The following CLRN1 variants were observed in gnomAD, a reference collection of about 807,000 sequenced individuals.
The protein encoded by CLRN1 is clarin 1.
Under a neutral mutation model 18.7 loss-of-function variants are expected in CLRN1, and 15 were observed. That is an observed-to-expected ratio of 0.80 (90% CI 0.54 to 1.23). CLRN1 has a LOEUF of 1.23. CLRN1 is among the 50% of genes most tolerant of loss of function. The pLI is 0.00. For missense variants in CLRN1, 311 were observed against 277.5 expected, an observed-to-expected ratio of 1.12 and a Z score of -0.86; for synonymous variants, 104 against 102.9, an observed-to-expected ratio of 1.01 and a Z score of -0.07.
chr3:150,933,048 CAAT>C (rs1196299593), intron 2 of CLRN1, among the ~76,000 whole-genome samples: 1 of 152,072 alleles, frequency 6.6e-6, no homozygotes, highest in Non-Finnish European at 1.5e-5. Context: ...TCTAAAAATA[CAAT>C]GTTTATCTAA....
chr3:150,955,557 G>C (rs1714696735), intron 1 of CLRN1, among the ~76,000 whole-genome samples: 2 of 152,078 alleles, frequency 1.3e-5, no homozygotes, highest in South Asian at 2.1e-4. Flanking sequence ...GAAAGAGGCA[G>C]GTTGGCAATT....
chr3:150,943,748 G>A, intron 1 of CLRN1: 1 of 1,611,516 alleles, frequency 6.2e-7, no homozygotes, highest in Non-Finnish European at 8.5e-7. Context: ...ACACACTGCT[G>A]TCCACAGATG....
In CLRN1 at chr3:150,941,667, T is replaced by C. The variant is rs1478816321; in HGVS notation, c.348A>G (p.Thr116=). 1 of 1,614,096 alleles carries C rather than the reference T, an allele frequency of 6.2e-7. No individual in the cohort carries two copies. The highest frequency in any genetic ancestry group is 1.7e-5 in the Admixed American group (1 of 60,018). The change falls in exon 2 of 3, where the codon ACA becomes ACG. Residue 116 remains threonine, a synonymous_variant. Transcript: ENST00000327047. The part of the protein sequence containing the change: ...AILIVLTMVG[T]AFFMYNAFGK... ...CAAAAGCATTGTACATGAAGAAGGC[T>C]GTCCCCACCATGGTTAACACAATAA...
In CLRN1 at chr3:150,972,503, T is replaced by G; in HGVS notation, c.206A>C (p.Glu69Ala). The change falls in exon 1 of 3, where the codon GAG (glutamate) becomes GCG (alanine). Residue 69 changes from glutamate to alanine, a missense_variant. Glu to Ala is a moderately radical substitution (Grantham distance 107). Coordinates refer to ENST00000327047, the MANE Select transcript of CLRN1 (RefSeq NM_174878.3). ...TCCCAACCCACACTGCCTCACACCC[T>G]CTCCGTGGAAAAGCCCGTACTGCAT... ...GEMQYGLFHGEGVRQCGLGAR... is the reference protein window; with the variant it reads ...GEMQYGLFHGAGVRQCGLGAR... 1 of 1,614,106 alleles carries G rather than the reference T, an allele frequency of 6.2e-7. No individual in the cohort carries two copies. Among genetic ancestry groups the G allele is most frequent in the South Asian group, 1.1e-5 (1 of 91,064 alleles).
rs139688446 is a variant in CLRN1 at position 150,934,906 on chromosome 3, C to T, written c.433+6676G>A. ...CACCCCCTTTTCCCTATTCTGCCTT[C>T]TCCTGCCCGCACCTCTATTACAGGA... On this transcript the variant is annotated intron_variant, in intron 2 of 2. Transcript: ENST00000327047. 1.8e-3 allele frequency among the ~76,000 whole-genome samples: 275 copies of T among 152,116 alleles called. 1 individual carries two copies. Among genetic ancestry groups the T allele is most frequent in the African/African-American group, 6.2e-3 (256 of 41,478 alleles).
chr3:150,926,830 G>A lies in CLRN1; in HGVS notation c.*1106C>T. The A allele has an allele frequency of 6.2e-7, 1 of 1,614,100 alleles. No homozygotes were observed. ...TTCTGGAGGACAGCAGGTTGAGGAT[G>A]AAGGAAGGGTCAGTTCCAGGCTCAG... On this transcript the variant is annotated 3_prime_UTR_variant, in exon 3 of 3. Transcript: ENST00000327047.
chr3:150,951,701 G>A (rs1714492292), intron 1 of CLRN1, among the ~76,000 whole-genome samples: 1 of 152,108 alleles, frequency 6.6e-6, no homozygotes, highest in African/African-American at 2.4e-5. Context: ...GGCTGTACGT[G>A]GCAGCATTAG....
chr3:150,955,175 C>T (rs1714678862), intron 1 of CLRN1, among the ~76,000 whole-genome samples: 1 of 152,152 alleles, frequency 6.6e-6, no homozygotes, highest in Non-Finnish European at 1.5e-5. Flanking sequence ...TTATATACAA[C>T]ATCCTGGAAA....
intron 1 of CLRN1, among the ~76,000 whole-genome samples, chr3:150,966,387 T>A (rs1333221313): frequency 2.6e-5 from 4 of 152,214 alleles, no homozygotes; most frequent in Non-Finnish European, 5.9e-5. Context: ...ATTATCAGTT[T>A]AAGAAGTTAG....
intron 1 of CLRN1, among the ~76,000 whole-genome samples, chr3:150,961,531 G>A (rs146883852): frequency 1.2e-3 from 184 of 152,292 alleles, no homozygotes; most frequent in African/African-American, 4.2e-3. Flanking sequence ...CAGAACTAAG[G>A]CAGCCTCTGA....
chr3:150,947,219 C>A (rs2107961529), intron 1 of CLRN1, among the ~76,000 whole-genome samples: 1 of 151,506 alleles, frequency 6.6e-6, no homozygotes. Flanking sequence ...GAAAATCTAC[C>A]AAGCAAACAG....
At chr3:150,970,580 T>C (rs1441255236) in intron 1 of CLRN1, among the ~76,000 whole-genome samples, 2 of 152,124 alleles carry the variant, frequency 1.3e-5, no homozygotes, top group African/African-American at 2.4e-5. Context: ...AATGAGATTT[T>C]TAACATGTAT....
intron 1 of CLRN1, among the ~76,000 whole-genome samples, chr3:150,969,027 A>T (rs1337224574): frequency 6.6e-6 from 1 of 151,998 alleles, no homozygotes; most frequent in African/African-American, 2.4e-5. Context: ...CACACACAAA[A>T]AAATGAGCAT....
chr3:150,960,925 A>G (rs1315971780), intron 1 of CLRN1, among the ~76,000 whole-genome samples: 1 of 152,210 alleles, frequency 6.6e-6, no homozygotes, highest in Non-Finnish European at 1.5e-5. Context: ...CTTTAACCCA[A>G]CCAGTTGGTG....
intron 1 of CLRN1, among the ~76,000 whole-genome samples, chr3:150,958,564 G>A (rs1283098968): frequency 1.3e-5 from 2 of 152,158 alleles, no homozygotes; most frequent in Non-Finnish European, 2.9e-5. Flanking sequence ...CGCATCGTCT[G>A]TACTAGGACC....
intron 1 of CLRN1, among the ~76,000 whole-genome samples, chr3:150,952,489 A>C (rs887575501): frequency 2.0e-5 from 3 of 152,152 alleles, no homozygotes; most frequent in African/African-American, 7.2e-5. Flanking sequence ...AAGCATTTTC[A>C]ATTTAACGAT....
At chr3:150,966,156 T>G (rs902880366) in intron 1 of CLRN1, among the ~76,000 whole-genome samples, 1 of 152,110 alleles carries the variant, frequency 6.6e-6, no homozygotes, top group African/African-American at 2.4e-5. Flanking sequence ...CAAAAAAATT[T>G]TTTAAAAGTT....
At chr3:150,943,814 C>T (rs753573630) in intron 1 of CLRN1, 47 of 1,614,138 alleles carry the variant, frequency 2.9e-5, no homozygotes, top group South Asian at 4.4e-5. Context: ...TTGCAGGCAC[C>T]CCTACCTGGT....
chr3:150,953,826 T>C (rs1714607956), intron 1 of CLRN1, among the ~76,000 whole-genome samples: 1 of 152,202 alleles, frequency 6.6e-6, no homozygotes, highest in African/African-American at 2.4e-5. Flanking sequence ...CCAAGTACTT[T>C]ATATATATAA....
Sources: gnomAD v4.1 joint callset for allele counts (sites outside exome capture counted in the v4.1 genomes callset) on GRCh38, gnomAD v4.1.1 for gene constraint, MANE v1.5 for transcripts, NCBI Gene and HGNC (gene_info 2026-07-23, HGNC 2026-07-21) for gene names.